FNIP2: variants seen among roughly 807,000 people sequenced by gnomAD.
The protein encoded by FNIP2 is folliculin-interacting protein 2.
Under a neutral mutation model 108.7 loss-of-function variants are expected in FNIP2, and 32 were observed. The ratio of observed to expected loss-of-function variants is 0.29; its 90% confidence interval spans 0.22 to 0.40. The LOEUF (loss-of-function observed/expected upper bound fraction) is 0.40, where lower values mean the gene tolerates loss of function less well. Ranked by LOEUF, FNIP2 falls within the 10% of genes least tolerant of loss-of-function variation. FNIP2 has a pLI of 1.00. For synonymous variants in FNIP2, 480 were observed against 496.7 expected (o/e 0.97, Z 0.45); for missense variants, 1,202 against 1,381.6 (o/e 0.87, Z 2.06).
At chr4:158,841,129 T>C (rs1779108560) in intron 7 of FNIP2, among the ~76,000 whole-genome samples, 1 of 152,158 alleles carries the variant, frequency 6.6e-6, no homozygotes, top group Non-Finnish European at 1.5e-5. Flanking sequence ...AAAAGGTTTA[T>C]TACTCACATA....
rs776840680 is a variant in FNIP2 at position 158,851,315 on chromosome 4, C to T, written c.728-6C>T. The T allele has an allele frequency of 7.4e-6, 12 of 1,613,592 alleles. No individual in the cohort carries two copies. The highest frequency in any genetic ancestry group is 1.0e-5 in the Non-Finnish European group (12 of 1,179,758). On this transcript the variant is annotated splice_region_variant and splice_polypyrimidine_tract_variant and intron_variant, in intron 7 of 16. Transcript: ENST00000264433. Reference sequence around the variant, plus strand: ...TCAACTTTCAAATTCCAAATTCTTCCTACAGCCTCACTAAGCAGTCTTTTG... The same window carrying T: ...TCAACTTTCAAATTCCAAATTCTTCTTACAGCCTCACTAAGCAGTCTTTTG...
At chr4:158,806,760 G>C (rs1238051823) in intron 1 of FNIP2, among the ~76,000 whole-genome samples, 1 of 152,178 alleles carries the variant, frequency 6.6e-6, no homozygotes, top group Non-Finnish European at 1.5e-5. Context: ...AAAAAAAGGT[G>C]CCGTCCTGAA....
At chr4:158,813,397 T>G (rs1777389108) in intron 1 of FNIP2, among the ~76,000 whole-genome samples, 1 of 152,206 alleles carries the variant, frequency 6.6e-6, no homozygotes, top group Non-Finnish European at 1.5e-5. Flanking sequence ...TGTAGTAGTA[T>G]CTCTTGTTGT....
chr4:158,839,170 C>T (rs1032508390), intron 7 of FNIP2, among the ~76,000 whole-genome samples: 1 of 152,162 alleles, frequency 6.6e-6, no homozygotes, highest in African/African-American at 2.4e-5. Context: ...GATGCTTACC[C>T]CATACCTAAG....
intron 1 of FNIP2, among the ~76,000 whole-genome samples, chr4:158,783,056 A>G (rs994457549): frequency 6.6e-6 from 1 of 152,216 alleles, no homozygotes; most frequent in Admixed American, 6.5e-5. Flanking sequence ...TTACTCCAGC[A>G]GAGTATTGAG....
At chr4:158,827,092 T>C (rs1778200670) in intron 2 of FNIP2, among the ~76,000 whole-genome samples, 2 of 152,168 alleles carry the variant, frequency 1.3e-5, no homozygotes, top group African/African-American at 4.8e-5. Context: ...TTCTGCCAGG[T>C]GGCTAATCAT....
At position 158,870,827 on chromosome 4, in the gene FNIP2, C is replaced by T. The variant is rs535329286; in HGVS notation, c.2949+358C>T. ...TCTGGTGCCTCTCATTGGCTGAGCCCGGCTGAAAGCCAGAGAGCAGGGGCA... is the reference window on the plus strand; with the variant it reads ...TCTGGTGCCTCTCATTGGCTGAGCCTGGCTGAAAGCCAGAGAGCAGGGGCA... On this transcript the variant is annotated intron_variant, in intron 14 of 16. Coordinates refer to ENST00000264433, the MANE Select transcript of FNIP2 (RefSeq NM_020840.3). Among the ~76,000 whole-genome samples the T allele has an allele frequency of 3.9e-5, 6 of 152,352 alleles. No homozygotes were observed. The East Asian group carries it at 9.6e-4, about 24-fold the overall frequency.
At chr4:158,879,921 ATAAT>A (rs1222371485) in intron 14 of FNIP2, among the ~76,000 whole-genome samples, 8 of 150,466 alleles carry the variant, frequency 5.3e-5, no homozygotes, top group Non-Finnish European at 8.9e-5. Context: ...TAGAATGGCA[ATAAT>A]TAAAAAGTCA....
chr4:158,827,568 T>C (rs1778227824), intron 2 of FNIP2, among the ~76,000 whole-genome samples: 1 of 152,202 alleles, frequency 6.6e-6, no homozygotes, highest in Non-Finnish European at 1.5e-5. Flanking sequence ...TCTCCAATTA[T>C]AGACTGTTCA....
intron 9 of FNIP2, 133 bp from the exon 10 acceptor site, chr4:158,859,445 C>A: frequency 1.9e-6 from 2 of 1,032,942 alleles, no homozygotes; most frequent in South Asian, 1.6e-5. Flanking sequence ...GAAATGACTG[C>A]TTTTTCGTGA....
intron 12 of FNIP2, among the ~76,000 whole-genome samples, chr4:158,862,099 T>C (rs993598882): frequency 2.6e-5 from 4 of 152,166 alleles, no homozygotes. Flanking sequence ...GTTGAGTTGT[T>C]GTGGGGTGTG....
chr4:158,853,833 A>G lies in FNIP2; in HGVS notation c.857+2383A>G, dbSNP rs186598503. Among the ~76,000 whole-genome samples, 727 of 152,306 alleles carry G rather than the reference A, an allele frequency of 4.8e-3. 3 individuals are homozygous for G. Among genetic ancestry groups the G allele is most frequent in the Non-Finnish European group, 8.0e-3 (545 of 68,004 alleles). On this transcript the variant is annotated intron_variant, in intron 8 of 16. Transcript: ENST00000264433. ...TAAATTTATACAAGCTTATTTTAATATTTCTTCTGACATTTCCTGTAACTT... is the reference window on the plus strand; with the variant it reads ...TAAATTTATACAAGCTTATTTTAATGTTTCTTCTGACATTTCCTGTAACTT...
At chr4:158,790,623 T>G (rs1776381289) in intron 1 of FNIP2, among the ~76,000 whole-genome samples, 1 of 152,134 alleles carries the variant, frequency 6.6e-6, no homozygotes, top group Non-Finnish European at 1.5e-5. Context: ...GATGCATGCC[T>G]GTAATTCTAG....
At chr4:158,806,297 A>G in intron 1 of FNIP2, 1 of 1,289,236 alleles carries the variant, frequency 7.8e-7, no homozygotes, top group African/African-American at 1.5e-5. Flanking sequence ...AGCTGGCAAG[A>G]CTCTGCCAGA....
intron 7 of FNIP2, among the ~76,000 whole-genome samples, chr4:158,847,158 T>C (rs1374020809): frequency 6.6e-6 from 1 of 152,122 alleles, no homozygotes; most frequent in Non-Finnish European, 1.5e-5. Context: ...TAAATAAACT[T>C]GAAAGGCTGT....
At chr4:158,810,704 C>T (rs1274273466) in intron 1 of FNIP2, among the ~76,000 whole-genome samples, 3 of 152,160 alleles carry the variant, frequency 2.0e-5, no homozygotes, top group Non-Finnish European at 4.4e-5. Context: ...TTTGGATAAG[C>T]ATTGATGACA....
intron 14 of FNIP2, among the ~76,000 whole-genome samples, chr4:158,882,116 C>T (rs370699057): frequency 1.3e-4 from 20 of 151,610 alleles, no homozygotes; most frequent in African/African-American, 4.8e-4. Context: ...GCCTGGCCGC[C>T]CCGTCTGAGA....
chr4:158,905,692 T>C lies in FNIP2; in HGVS notation c.*1148T>C, dbSNP rs1729771851. On this transcript the variant is annotated 3_prime_UTR_variant, in exon 17 of 17. Coordinates refer to ENST00000264433, the MANE Select transcript of FNIP2 (RefSeq NM_020840.3). ...GACCAAAATGATTTCCTAAAGTTCA[T>C]GCAAAAAAAAAAAAAAAACAACCTA... The C allele has an allele frequency of 3.2e-5, 1 of 31,214 alleles. No individual in the cohort carries two copies. Among genetic ancestry groups the C allele is most frequent in the East Asian group, 7.8e-4 (1 of 1,286 alleles). The allele number at this position is 31,214 out of a possible 1,614,324, so 1.9% of individuals were successfully genotyped here.
At chr4:158,870,982 A>G (rs1006597640) in intron 14 of FNIP2, among the ~76,000 whole-genome samples, 1 of 152,250 alleles carries the variant, frequency 6.6e-6, no homozygotes, top group Non-Finnish European at 1.5e-5. Context: ...AATGGAATAA[A>G]CAGCACAGAT....
Sources: gnomAD v4.1 joint callset for allele counts (sites outside exome capture counted in the v4.1 genomes callset) on GRCh38, gnomAD v4.1.1 for gene constraint, MANE v1.5 for transcripts, NCBI Gene and HGNC (gene_info 2026-07-23, HGNC 2026-07-21) for gene names.